Variants in CYFIP1 observed in about 807,000 individuals in gnomAD.
CYFIP1 encodes the protein cytoplasmic FMR1-interacting protein 1.
Under a neutral mutation model 163.5 loss-of-function variants are expected in CYFIP1, and 58 were observed. The ratio of observed to expected loss-of-function variants is 0.35; its 90% CI spans 0.29 to 0.44. The LOEUF is 0.44. Ranked by LOEUF, CYFIP1 falls within the 20% of genes least tolerant of loss-of-function variation. The pLI is 1.00. For missense variants in CYFIP1, 1,338 were observed against 1,653.8 expected (o/e 0.81, Z 3.31); for synonymous variants, 663 against 660.7 (o/e 1.00, Z -0.05).
chr15:22,872,905 G>A lies in CYFIP1; in HGVS notation c.3517C>T (p.Arg1173Cys), dbSNP rs374943727. ...TAGCAGAAATCCAGCACAGCAAAAC[G>A]CCGCTGCTGCCCAAGAAGTACGATG... ...MIIVLLGQQR[R>C]FAVLDFCYHL... The change falls in exon 30 of 31, where the codon CGT becomes TGT. Residue 1173 changes from arginine (R) to cysteine (C), a missense_variant. Arg to Cys is a radical substitution (Grantham distance 180). Transcript: ENST00000617928. 8.7e-6 allele frequency: 14 copies of A among 1,613,918 alleles called. No homozygotes were observed. The highest frequency in any genetic ancestry group is 1.7e-5 in the Admixed American group (1 of 59,988).
At chr15:22,952,160 C>A (rs1269479708) in intron 1 of CYFIP1, among the ~76,000 whole-genome samples, 1 of 152,104 alleles carries the variant, frequency 6.6e-6, no homozygotes, top group Non-Finnish European at 1.5e-5. Context: ...CATGATTCCA[C>A]TCATATAAAT....
At chr15:22,944,234 G>C (rs1242425214) in intron 5 of CYFIP1, among the ~76,000 whole-genome samples, 2 of 85,718 alleles carry the variant, frequency 2.3e-5, no homozygotes, top group African/African-American at 1.0e-4. Flanking sequence ...GCAAGACTCT[G>C]TCTCAAAAAA....
chr15:22,882,019 G>C (rs969016807), intron 24 of CYFIP1, 83 bp from the exon 25 acceptor site: 4 of 1,229,382 alleles, frequency 3.3e-6, no homozygotes, highest in Non-Finnish European at 4.6e-6. Context: ...CCTGAAACAA[G>C]TCTGTTAGCA....
At chr15:22,961,728 G>T (rs2062688523) in intron 1 of CYFIP1, among the ~76,000 whole-genome samples, 1 of 152,016 alleles carries the variant, frequency 6.6e-6, no homozygotes, top group Non-Finnish European at 1.5e-5. Context: ...TTGCCTGTTT[G>T]TTTTTTTAAA....
At chr15:22,909,091 T>G in intron 21 of CYFIP1, 103 bp downstream of exon 21, 1 of 1,445,072 alleles carries the variant, frequency 6.9e-7, no homozygotes, top group Non-Finnish European at 9.6e-7. Context: ...ACAAGAGGCT[T>G]GGTATAGGCC....
intron 5 of CYFIP1, among the ~76,000 whole-genome samples, chr15:22,943,896 C>G (rs2061970905): frequency 6.6e-6 from 1 of 152,068 alleles, no homozygotes; most frequent in Non-Finnish European, 1.5e-5. Flanking sequence ...AATGGACAGT[C>G]AGGGTGAGGC....
Position 22,945,810 on chromosome 15 carries a change from T to A in CYFIP1, c.208-871A>T, listed in dbSNP as rs553602628. ...GTTGGCCAGGCTGGTCTCGAACTCC[T>A]GACCCTAGGTGATCCGCCCACTTTG... is the stretch of plus-strand genomic sequence containing the variant. On this transcript the variant is annotated intron_variant, in intron 3 of 30. Transcript: ENST00000617928. 2.0e-5 allele frequency among the ~76,000 whole-genome samples: 3 copies of A among 152,118 alleles called. No individual in the cohort carries two copies. The East Asian group carries it at 5.8e-4, about 29-fold the overall frequency.
At chr15:22,944,520 T>A in intron 5 of CYFIP1, 38 bp downstream of exon 5, 23 of 1,363,128 alleles carry the variant, frequency 1.7e-5, no homozygotes, top group Non-Finnish European at 2.3e-5. Context: ...AACCCACCCC[T>A]CGGTGTTACA....
chr15:22,903,514 T>C (rs754812325), intron 22 of CYFIP1, among the ~76,000 whole-genome samples, 192 bp downstream of exon 22: 37 of 152,040 alleles, frequency 2.4e-4, no homozygotes, highest in Non-Finnish European at 5.0e-4. Flanking sequence ...GCCATGACCA[T>C]CCACCCGAGG....
chr15:22,930,211 C>A (rs149798538), intron 11 of CYFIP1, among the ~76,000 whole-genome samples: 37,413 of 148,886 alleles, frequency 0.25, 5,473 homozygotes, highest in Middle Eastern at 0.34. Flanking sequence ...AAAACACACA[C>A]AAAAAAAAAC....
At chr15:22,884,195 G>A (rs2059868352) in intron 23 of CYFIP1, among the ~76,000 whole-genome samples, 1 of 152,104 alleles carries the variant, frequency 6.6e-6, no homozygotes, top group Admixed American at 6.5e-5. Context: ...TTTCCCAACA[G>A]TGCCCCAAAG....
chr15:22,948,691 C>T (rs1177279236), intron 1 of CYFIP1, among the ~76,000 whole-genome samples: 1 of 151,620 alleles, frequency 6.6e-6, no homozygotes, highest in African/African-American at 2.4e-5. Context: ...AATGCTCTAA[C>T]GATTGTAACA....
At chr15:22,887,723 A>G (rs1475525516) in intron 23 of CYFIP1, among the ~76,000 whole-genome samples, 1 of 152,182 alleles carries the variant, frequency 6.6e-6, no homozygotes, top group African/African-American at 2.4e-5. Flanking sequence ...ATGTGACTTA[A>G]CTACTCAGGG....
At chr15:22,909,070 T>C in intron 21 of CYFIP1, 124 bp downstream of exon 21, 2 of 1,239,216 alleles carry the variant, frequency 1.6e-6, no homozygotes, top group South Asian at 2.8e-5. Context: ...TGCATCTCTT[T>C]TATTATCTAT....
At chr15:22,934,485 CTTTTTTTTTT>C (rs35881374) in intron 9 of CYFIP1, among the ~76,000 whole-genome samples, 4 of 49,798 alleles carry the variant, frequency 8.0e-5, no homozygotes, top group African/African-American at 1.6e-4. Context: ...GCACCCAGCC[CTTTTTTTTTT>C]TTTTTTTTTT....
chr15:22,942,597 C>A (rs529119444), intron 6 of CYFIP1, among the ~76,000 whole-genome samples: 3 of 152,180 alleles, frequency 2.0e-5, no homozygotes, highest in African/African-American at 7.2e-5. Context: ...TCTTGCCAGC[C>A]TCTCCAGAGG....
Position 22,945,256 on chromosome 15 carries a change from G to T in CYFIP1, c.208-317C>A, listed in dbSNP as rs1023752430. Among the ~76,000 whole-genome samples the T allele has an allele frequency of 1.2e-4, 18 of 152,262 alleles. No individual in the cohort carries two copies. The South Asian group carries it at 3.5e-3, about 30-fold the overall frequency. On this transcript the variant is annotated intron_variant, in intron 3 of 30. Transcript: ENST00000617928. ...TGCTGGCCATGAGACCTGCAGTTAG[G>T]AACACAGAGGAAGGGCTCAGGGCAG...
At chr15:22,880,542 G>A (rs781754026) in intron 25 of CYFIP1, among the ~76,000 whole-genome samples, 5 of 152,288 alleles carry the variant, frequency 3.3e-5, no homozygotes, top group African/African-American at 9.6e-5. Flanking sequence ...CCCGGACAGC[G>A]GAATAAGGCA....
At chr15:22,907,361 C>T in intron 21 of CYFIP1, among the ~76,000 whole-genome samples, 1 of 152,262 alleles carries the variant, frequency 6.6e-6, no homozygotes, top group African/African-American at 2.4e-5. Context: ...ACAGGGGTGC[C>T]AGTGTTGACT....
Sources: allele counts gnomAD v4.1 joint callset (sites outside exome capture counted in the v4.1 genomes callset), GRCh38; gene constraint gnomAD v4.1.1; transcripts MANE v1.5; gene names NCBI Gene and HGNC (gene_info 2026-07-23, HGNC 2026-07-21).